GFM1: variants seen among roughly 807,000 people sequenced by gnomAD.
GFM1 encodes G elongation factor mitochondrial 1.
GFM1 carries 62 observed loss-of-function variants against 96.2 expected under a neutral mutation model. The ratio of observed to expected loss-of-function variants is 0.64; its 90% CI spans 0.53 to 0.80. The LOEUF is 0.80. Among genes scored for constraint, GFM1 ranks in the 30% least tolerant of loss-of-function variants. The pLI, the probability that GFM1 is intolerant of heterozygous loss-of-function variation, is 0.00. For missense variants in GFM1, 852 were observed against 916.6 expected, an observed-to-expected ratio of 0.93 and a Z score of 0.91; for synonymous variants, 282 against 312.9, an observed-to-expected ratio of 0.90 and a Z score of 1.04.
chr3:158,665,113 G>T (rs1723534500), intron 11 of GFM1, among the ~76,000 whole-genome samples: 1 of 152,134 alleles, frequency 6.6e-6, no homozygotes, highest in Admixed American at 6.6e-5. Context: ...TTCTATCTTG[G>T]TGTGGAAAGA....
chr3:158,645,726 C>A lies in GFM1; in HGVS notation c.179C>A (p.Thr60Asn). ...GISAHIDSGK[T>N]TLTERVLYYT... ...TCAGCTCACATTGATTCTGGGAAAA[C>A]TACATTAACAGAACGAGTCCTTTAC... The change falls in exon 2 of 18, where the codon ACT becomes AAT. Residue 60 changes from threonine to asparagine, a missense_variant. Transcript: ENST00000486715. 6.2e-7 allele frequency: 1 copy of A among 1,611,958 alleles called. No homozygotes were observed. The highest frequency in any genetic ancestry group is 8.5e-7 in the Non-Finnish European group (1 of 1,178,068).
In GFM1 at chr3:158,668,136, C is replaced by T. The variant is rs189662854; in HGVS notation, c.1601+1750C>T. On this transcript the variant is annotated intron_variant, in intron 13 of 17. Coordinates refer to ENST00000486715, the MANE Select transcript of GFM1 (RefSeq NM_024996.7). Reference sequence around the variant, plus strand: ...GTCATTACAATTGTCCCTTAGTATCCATGGAGGATTGGTTCCAAGATTCCC... The same window carrying T: ...GTCATTACAATTGTCCCTTAGTATCTATGGAGGATTGGTTCCAAGATTCCC... Among the ~76,000 whole-genome samples, 48 of 152,238 alleles carry T rather than the reference C, an allele frequency of 3.2e-4. No homozygotes were observed. The East Asian group carries it at 9.1e-3, about 29-fold the overall frequency.
At chr3:158,645,374 A>T (rs1184128692) in intron 1 of GFM1, among the ~76,000 whole-genome samples, 4 of 152,226 alleles carry the variant, frequency 2.6e-5, no homozygotes, top group Non-Finnish European at 5.9e-5. Flanking sequence ...TGCAGTAAAA[A>T]GTGTCTCCCA....
chr3:158,688,186 A>T (rs1356628255), intron 15 of GFM1, among the ~76,000 whole-genome samples: 1 of 152,228 alleles, frequency 6.6e-6, no homozygotes, highest in East Asian at 1.9e-4. Context: ...CTGATCAGTG[A>T]GGTAACCTAA....
rs200401397 is a variant in GFM1, at chr3:158,691,919, T to A, written c.*452T>A. 8.5e-6 allele frequency: 1 copy of A among 117,690 alleles called. No homozygotes were observed. Among genetic ancestry groups the A allele is most frequent in the Admixed American group, 7.9e-5 (1 of 12,628 alleles). 7.3% of individuals were successfully genotyped at this position (117,690 alleles called of 1,614,324 possible). On this transcript the variant is annotated 3_prime_UTR_variant, in exon 18 of 18. Coordinates refer to ENST00000486715, the MANE Select transcript of GFM1 (RefSeq NM_024996.7). ...AACGGGTTGTTTATCATATAATAAT[T>A]TGTTTTGTCATATTTGCTTTCACTG...
Position 158,644,543 on chromosome 3 carries a change from C to A in GFM1, c.-92C>A. ...CCCGGAAGTGCTCTTACAACATTGG[C>A]TGCCGGCGTGACTTTGACCGCTTCC... On this transcript the variant is annotated 5_prime_UTR_variant, in exon 1 of 18. It adds an upstream start codon to the 5' untranslated region. Transcript: ENST00000486715. 9.9e-7 allele frequency: 1 copy of A among 1,006,520 alleles called. No individual in the cohort carries two copies. The highest frequency in any genetic ancestry group is 1.5e-6 in the Non-Finnish European group (1 of 657,424). 62.3% of individuals were successfully genotyped at this position (1,006,520 alleles called of 1,614,324 possible).
intron 14 of GFM1, 85 bp downstream of exon 14, chr3:158,682,242 G>T: frequency 8.7e-7 from 1 of 1,147,548 alleles, no homozygotes; most frequent in Non-Finnish European, 1.3e-6. Context: ...CTTCCATCAT[G>T]TTGTCTATCA....
At position 158,691,473 on chromosome 3, in the gene GFM1, C is replaced by T. The variant is rs1047355; in HGVS notation, c.*6C>T. The T allele has an allele frequency of 0.37, 592,589 of 1,611,654 alleles. 113,136 individuals are homozygous for T. Among genetic ancestry groups the T allele is most frequent in the African/African-American group, 0.61 (45,430 of 74,858 alleles). On this transcript the variant is annotated 3_prime_UTR_variant, in exon 18 of 18. Coordinates refer to ENST00000486715, the MANE Select transcript of GFM1 (RefSeq NM_024996.7). Reference sequence around the variant, plus strand: ...AAGGAAAAGCCAAGAACTAACTTTGCTTACTGTGAGTTGACTGACTCTAAT... The same window carrying T: ...AAGGAAAAGCCAAGAACTAACTTTGTTTACTGTGAGTTGACTGACTCTAAT...
At chr3:158,645,581 T>G (rs777352923) in intron 1 of GFM1, 48 bp from the exon 2 acceptor site, 1 of 1,471,248 alleles carries the variant, frequency 6.8e-7, no homozygotes, top group South Asian at 1.1e-5. Flanking sequence ...TGTCTGTTGT[T>G]CTCTCTTATA....
chr3:158,668,185 G>A (rs1435109999), intron 13 of GFM1, among the ~76,000 whole-genome samples: 1 of 152,152 alleles, frequency 6.6e-6, no homozygotes, highest in Non-Finnish European at 1.5e-5. Flanking sequence ...ATGCACGGAT[G>A]CCCAAGTCTC....
intron 13 of GFM1, chr3:158,669,001 G>C (rs761652058): frequency 1.2e-6 from 2 of 1,609,892 alleles, no homozygotes; most frequent in African/African-American, 2.7e-5. Context: ...CTTACCACTT[G>C]CTTGACAGTT....
chr3:158,676,220 T>G (rs7632746), intron 13 of GFM1, among the ~76,000 whole-genome samples: 4,778 of 152,252 alleles, frequency 0.031, 228 homozygotes, highest in African/African-American at 0.11. Context: ...TGAGCCGAGA[T>G]TGCACCAGTG....
chr3:158,660,793 T>C, intron 9 of GFM1, 81 bp from the exon 10 acceptor site: 1 of 1,100,838 alleles, frequency 9.1e-7, no homozygotes, highest in Non-Finnish European at 1.4e-6. Flanking sequence ...ACAATGTGTG[T>C]ACTGTACAGT....
rs77795291 is a variant in GFM1 at position 158,689,153 on chromosome 3, T to C, written c.1910-1010T>C. 4.8e-4 allele frequency among the ~76,000 whole-genome samples: 73 copies of C among 152,354 alleles called. No homozygotes were observed. In the South Asian group the frequency reaches 0.012, roughly 25 times the overall value. ...GTAAATGTTTGACGTTTTATTATAT[T>C]CTCTCCATATTGTTACATTTAAACA... On this transcript the variant is annotated intron_variant, in intron 15 of 17. Coordinates refer to ENST00000486715, the MANE Select transcript of GFM1 (RefSeq NM_024996.7).
chr3:158,675,713 A>G (rs1436656068), intron 13 of GFM1, among the ~76,000 whole-genome samples: 4 of 152,210 alleles, frequency 2.6e-5, no homozygotes, highest in African/African-American at 9.6e-5. Flanking sequence ...TAAAGACCAA[A>G]TGTGTTAACT....
At chr3:158,655,910 G>GA (rs1473561320) in intron 8 of GFM1, 4 of 457,262 alleles carry the variant, frequency 8.7e-6, no homozygotes, top group Non-Finnish European at 1.8e-5. Flanking sequence ...TGATCTCCTA[G>GA]GCTGTAATAG....
At position 158,644,547 on chromosome 3, in the gene GFM1, C is replaced by A. The variant is rs370405683; in HGVS notation, c.-88C>A. On this transcript the variant is annotated 5_prime_UTR_variant, in exon 1 of 18. Transcript: ENST00000486715. ...GAAGTGCTCTTACAACATTGGCTGC[C>A]GGCGTGACTTTGACCGCTTCCCGGT... The A allele has an allele frequency of 9.6e-7, 1 of 1,047,040 alleles. No individual in the cohort carries two copies. The highest frequency in any genetic ancestry group is 1.4e-6 in the Non-Finnish European group (1 of 693,714). The allele number at this position is 1,047,040 out of a possible 1,614,324, so 64.9% of individuals were successfully genotyped here. A position where few individuals can be genotyped will look rare whatever the true frequency, so the allele number is the denominator to read the frequency against.
chr3:158,656,124 G>T, intron 8 of GFM1: 2 of 218,800 alleles, frequency 9.1e-6, no homozygotes, highest in Non-Finnish European at 1.8e-5. Flanking sequence ...CTTGCAGCAT[G>T]ATTTATCATT....
chr3:158,691,491 ACT>A lies in GFM1; in HGVS notation c.*27_*28del. 1 of 1,612,216 alleles carries A rather than the reference ACT, an allele frequency of 6.2e-7. No homozygotes were observed. Among genetic ancestry groups the A allele is most frequent in the Non-Finnish European group, 8.5e-7 (1 of 1,179,060 alleles). On this transcript the variant is annotated 3_prime_UTR_variant, in exon 18 of 18. Transcript: ENST00000486715. ...AACTTTGCTTACTGTGAGTTGACTG[ACT>A]CTAATTGAATCTGCGTGGTTTTGAT... is the stretch of plus-strand genomic sequence containing the variant.
Sources: gnomAD v4.1 joint callset for allele counts (sites outside exome capture counted in the v4.1 genomes callset) on GRCh38, gnomAD v4.1.1 for gene constraint, MANE v1.5 for transcripts, NCBI Gene and HGNC (gene_info 2026-07-23, HGNC 2026-07-21) for gene names.